HPCAL1: variants seen among roughly 807,000 people sequenced by gnomAD.
HPCAL1 encodes hippocalcin like 1.
Under a neutral mutation model 17.1 loss-of-function variants are expected in HPCAL1, and 8 were observed. The ratio of observed to expected loss-of-function variants is 0.47; its 90% CI spans 0.27 to 0.84. The LOEUF is 0.84. Among genes scored for constraint, HPCAL1 ranks in the 40% least tolerant of loss-of-function variants. The pLI is 0.13. For missense variants in HPCAL1, 165 were observed against 271.1 expected, an observed-to-expected ratio of 0.61 and a Z score of 2.75; for synonymous variants, 112 against 111.4, an observed-to-expected ratio of 1.01 and a Z score of -0.03.
intron 1 of HPCAL1, among the ~76,000 whole-genome samples, chr2:10,320,383 A>G (rs1024121556): frequency 6.6e-6 from 1 of 152,016 alleles, no homozygotes; most frequent in African/African-American, 2.4e-5. Context: ...CATGATAGTG[A>G]GTGAGTTCTC....
intron 1 of HPCAL1, among the ~76,000 whole-genome samples, chr2:10,366,155 G>A (rs1254480841): frequency 6.6e-6 from 1 of 152,182 alleles, no homozygotes; most frequent in Non-Finnish European, 1.5e-5. Context: ...GCACAGCACC[G>A]GGCACCAGGG....
chr2:10,421,860 C>T (rs1000329833), intron 3 of HPCAL1, among the ~76,000 whole-genome samples: 5 of 152,210 alleles, frequency 3.3e-5, no homozygotes, highest in African/African-American at 4.8e-5. Flanking sequence ...CCATTTCCCA[C>T]GTAGATGGTT....
intron 1 of HPCAL1, among the ~76,000 whole-genome samples, chr2:10,364,370 C>A (rs1306631869): frequency 1.3e-5 from 2 of 152,170 alleles, no homozygotes; most frequent in African/African-American, 2.4e-5. Flanking sequence ...CTTTCCCCCA[C>A]CCTCCTGGGA....
At chr2:10,392,085 C>A (rs992820317) in intron 1 of HPCAL1, among the ~76,000 whole-genome samples, 1 of 152,020 alleles carries the variant, frequency 6.6e-6, no homozygotes. Flanking sequence ...ATCTATCCCT[C>A]GGGCGGGAGT....
chr2:10,364,156 G>A (rs114326713), intron 1 of HPCAL1, among the ~76,000 whole-genome samples: 6,561 of 152,310 alleles, frequency 0.043, 172 homozygotes, highest in Middle Eastern at 0.11. Flanking sequence ...GGGTGCACAG[G>A]CTCCCAGCAC....
Position 10,339,887 on chromosome 2 carries a change from G to C in HPCAL1, c.-111+36710G>C, listed in dbSNP as rs377633504. ...CCTGTGCGTTGAGGCCTGAGCCCCTGCGTGCGCCCAGCGGAGCCAGCACTC... is the reference window on the plus strand; with the variant it reads ...CCTGTGCGTTGAGGCCTGAGCCCCTCCGTGCGCCCAGCGGAGCCAGCACTC... On this transcript the variant is annotated intron_variant, in intron 1 of 4. Coordinates refer to ENST00000307845, the MANE Select transcript of HPCAL1 (RefSeq NM_002149.4). Among the ~76,000 whole-genome samples, 3 of 152,220 alleles carry C rather than the reference G, an allele frequency of 2.0e-5. No individual in the cohort carries two copies. In the East Asian group the frequency reaches 5.8e-4, roughly 29 times the overall value.
chr2:10,416,731 A>G lies in HPCAL1; in HGVS notation c.-24-3003A>G, dbSNP rs1404321642. 2.7e-5 allele frequency among the ~76,000 whole-genome samples: 4 copies of G among 147,946 alleles called. No homozygotes were observed. The East Asian group carries it at 7.9e-4, about 29-fold the overall frequency. On this transcript the variant is annotated intron_variant, in intron 2 of 4. Transcript: ENST00000307845. ...TTTTTTTTTCCATGTAGAAATCTCTATGGCCATTTCCTCTTGTGAATTAAT... is the reference window on the plus strand; with the variant it reads ...TTTTTTTTTCCATGTAGAAATCTCTGTGGCCATTTCCTCTTGTGAATTAAT...
intron 1 of HPCAL1, among the ~76,000 whole-genome samples, chr2:10,372,983 C>A (rs909668846): frequency 6.6e-6 from 1 of 152,354 alleles, no homozygotes; most frequent in African/African-American, 2.4e-5. Context: ...TACAAGGGAC[C>A]CAAGAGAGGG....
chr2:10,327,088 A>T (rs994561609), intron 1 of HPCAL1, among the ~76,000 whole-genome samples: 2 of 152,030 alleles, frequency 1.3e-5, no homozygotes, highest in Non-Finnish European at 2.9e-5. Flanking sequence ...TTTAGCGGGG[A>T]GTACAAGTGC....
chr2:10,366,187 T>C (rs1467697046), intron 1 of HPCAL1, among the ~76,000 whole-genome samples: 1 of 152,208 alleles, frequency 6.6e-6, no homozygotes, highest in Non-Finnish European at 1.5e-5. Context: ...TGGGTGTGTC[T>C]TTGGGTCCCT....
chr2:10,332,295 T>G (rs1664433964), intron 1 of HPCAL1, among the ~76,000 whole-genome samples: 1 of 152,156 alleles, frequency 6.6e-6, no homozygotes, highest in South Asian at 2.1e-4. Flanking sequence ...ACCATTTCCT[T>G]CCATTTAAGC....
chr2:10,352,216 G>T (rs1292971416), intron 1 of HPCAL1, among the ~76,000 whole-genome samples: 1 of 152,048 alleles, frequency 6.6e-6, no homozygotes, highest in Non-Finnish European at 1.5e-5. Context: ...GAATTGTATG[G>T]TGTGTGAACC....
intron 1 of HPCAL1, among the ~76,000 whole-genome samples, chr2:10,313,959 C>T (rs531490177): frequency 2.4e-4 from 36 of 152,066 alleles, no homozygotes; most frequent in Admixed American, 5.9e-4. Context: ...GGTGAAACCC[C>T]GTCTCTACTA....
rs576576176 is a variant in HPCAL1, at chr2:10,331,551, G to A, written c.-111+28374G>A. Among the ~76,000 whole-genome samples, 6 of 152,296 alleles carry A rather than the reference G, an allele frequency of 3.9e-5. No individual in the cohort carries two copies. Among genetic ancestry groups the A allele is most frequent in the East Asian group, 1.9e-4 (1 of 5,178 alleles). On this transcript the variant is annotated intron_variant, in intron 1 of 4. Coordinates refer to ENST00000307845, the MANE Select transcript of HPCAL1 (RefSeq NM_002149.4). This position sits in a 1 kb window ranked among gnomAD's most constrained non-coding sequence, Gnocchi z 5.0. ...AACACCCTCCCAGGAGCTTTTCCAC[G>A]GCCAAGCGCTGGCTGGTGGTGGAGC...
intron 2 of HPCAL1, among the ~76,000 whole-genome samples, chr2:10,402,964 G>A (rs1250111617): frequency 1.3e-5 from 2 of 152,172 alleles, no homozygotes; most frequent in Non-Finnish European, 2.9e-5. Flanking sequence ...GTTTCCACCC[G>A]AGATATATTA....
intron 2 of HPCAL1, among the ~76,000 whole-genome samples, chr2:10,402,639 A>G (rs1004440683): frequency 6.6e-6 from 1 of 152,206 alleles, no homozygotes; most frequent in Admixed American, 6.5e-5. Context: ...CCATTTTATT[A>G]ATAATGATTT....
chr2:10,317,417 AT>A (rs33931208), intron 1 of HPCAL1, among the ~76,000 whole-genome samples: 93,396 of 131,508 alleles, frequency 0.71, 32,337 homozygotes, highest in East Asian at 0.96. Flanking sequence ...TAATTCAACA[AT>A]TTTTTTTTTT....
intron 1 of HPCAL1, among the ~76,000 whole-genome samples, chr2:10,305,169 A>T (rs1283641501): frequency 6.6e-6 from 1 of 152,206 alleles, no homozygotes. Context: ...ATGTCCTACA[A>T]GAAAAAAGGG....
chr2:10,414,234 G>A lies in HPCAL1; in HGVS notation c.-24-5500G>A, dbSNP rs111880043. Among the ~76,000 whole-genome samples the A allele has an allele frequency of 4.9e-3, 753 of 152,334 alleles. 4 individuals carry two copies. The highest frequency in any genetic ancestry group is 0.017 in the African/African-American group (697 of 41,580). The stretch of plus-strand genomic sequence containing the variant: ...GCATCACTCCTGCCCCAGAGACACC[G>A]ATAACACATGTTTGTCAGCTGTAGG... On this transcript the variant is annotated intron_variant, in intron 2 of 4. Transcript: ENST00000307845.
Sources: allele counts gnomAD v4.1 joint callset (sites outside exome capture counted in the v4.1 genomes callset), GRCh38; gene constraint gnomAD v4.1.1; non-coding constraint Gnocchi (gnomAD v3.1); transcripts MANE v1.5; gene names NCBI Gene and HGNC (gene_info 2026-07-23, HGNC 2026-07-21).